Variants in BCKDHB observed in about 807,000 individuals in gnomAD.
BCKDHB encodes the protein 2-oxoisovalerate dehydrogenase subunit beta, mitochondrial.
In BCKDHB, 41 loss-of-function variants were observed where a neutral mutation model predicts 48.5. The observed-to-expected ratio is 0.85, with a 90% CI of 0.66 to 1.10. The LOEUF is 1.10. Ranked by LOEUF, BCKDHB falls within the 50% of genes least tolerant of loss-of-function variation. The pLI, the probability that BCKDHB is intolerant of heterozygous loss-of-function variation, is 0.00. For missense variants in BCKDHB, 496 were observed against 494.2 expected (o/e 1.00, Z -0.03); for synonymous variants, 201 against 174.8 (o/e 1.15, Z -1.18).
intron 8 of BCKDHB, among the ~76,000 whole-genome samples, chr6:80,254,502 C>T (rs79799116): frequency 0.016 from 2,374 of 151,950 alleles, 27 homozygotes; most frequent in Non-Finnish European, 0.023. Context: ...TCAAGACCAG[C>T]CCAGGCAACA....
At chr6:80,448,958 A>G in the BCKDHB span, among the ~76,000 whole-genome samples, 3 of 152,224 alleles carry the variant, frequency 2.0e-5, no homozygotes, top group African/African-American at 2.4e-5. Context: ...ACTAGGAAAC[A>G]AAATGTGAGA....
intron 8 of BCKDHB, among the ~76,000 whole-genome samples, chr6:80,218,670 C>T (rs1055626876): frequency 3.3e-5 from 5 of 152,010 alleles, no homozygotes; most frequent in Non-Finnish European, 7.4e-5. Context: ...ACTCCATTAA[C>T]TTTGCTTAGA....
chr6:80,395,529 G>C, the BCKDHB span, among the ~76,000 whole-genome samples: 1 of 152,142 alleles, frequency 6.6e-6, no homozygotes. Context: ...TAGGGTGTCT[G>C]GTGGAATAAA....
intron 8 of BCKDHB, among the ~76,000 whole-genome samples, chr6:80,229,956 A>G (rs559194035): frequency 2.0e-5 from 3 of 148,954 alleles, no homozygotes; most frequent in South Asian, 4.3e-4. Context: ...GTTCTTAGGT[A>G]TTCTTAAACA....
intron 8 of BCKDHB, among the ~76,000 whole-genome samples, chr6:80,258,993 C>T (rs1221173876): frequency 6.6e-6 from 1 of 152,130 alleles, no homozygotes; most frequent in Non-Finnish European, 1.5e-5. Context: ...GAGGCCATTG[C>T]TGTAAGATGT....
At chr6:80,348,854 T>C (rs1280457664), downstream of BCKDHB, among the ~76,000 whole-genome samples, 1 of 152,162 alleles carries the variant, frequency 6.6e-6, no homozygotes, top group African/African-American at 2.4e-5. Flanking sequence ...CAATAGAAAA[T>C]ATTCATATAT....
At chr6:80,440,037 TACAGTAATG>T in the BCKDHB span, among the ~76,000 whole-genome samples, 229 of 152,256 alleles carry the variant, frequency 1.5e-3, 1 homozygote, top group South Asian at 0.012. Flanking sequence ...ACTTTGGAAA[TACAGTAATG>T]ACAGAAATAT....
At chr6:80,448,749 G>T in the BCKDHB span, among the ~76,000 whole-genome samples, 2 of 152,024 alleles carry the variant, frequency 1.3e-5, no homozygotes, top group Non-Finnish European at 2.9e-5. Flanking sequence ...ACATCTGTCT[G>T]TGCTGAAGTA....
At chr6:80,382,453 A>G in the BCKDHB span, among the ~76,000 whole-genome samples, 1 of 152,186 alleles carries the variant, frequency 6.6e-6, no homozygotes, top group Non-Finnish European at 1.5e-5. Context: ...TAATTTATGC[A>G]TAAATTTTAC....
At chr6:80,465,069 A>G in the BCKDHB span, among the ~76,000 whole-genome samples, 2 of 152,194 alleles carry the variant, frequency 1.3e-5, no homozygotes, top group Non-Finnish European at 2.9e-5. Context: ...AGAGAGTGTT[A>G]ACTACCTTGC....
the BCKDHB span, among the ~76,000 whole-genome samples, chr6:80,429,177 G>A: frequency 6.6e-6 from 1 of 152,278 alleles, no homozygotes; most frequent in South Asian, 2.1e-4. Context: ...AGATCAGATG[G>A]TTGTAGATGT....
intron 8 of BCKDHB, among the ~76,000 whole-genome samples, chr6:80,236,712 T>C (rs1776161894): frequency 1.3e-5 from 2 of 152,202 alleles, no homozygotes; most frequent in Non-Finnish European, 2.9e-5. Flanking sequence ...GGCAGTCCAA[T>C]TCCAGAGTCT....
chr6:80,202,277 C>T (rs184345224), intron 7 of BCKDHB, among the ~76,000 whole-genome samples: 23 of 152,240 alleles, frequency 1.5e-4, no homozygotes, highest in African/African-American at 5.3e-4. Context: ...TTACCTTCTC[C>T]AGGACTGTAG....
intron 5 of BCKDHB, chr6:80,169,993 T>C: frequency 8.3e-7 from 1 of 1,209,816 alleles, no homozygotes; most frequent in Non-Finnish European, 1.1e-6. Context: ...CTTTTCTGTC[T>C]GTCCCCTGCC....
At chr6:80,387,820 A>G in the BCKDHB span, among the ~76,000 whole-genome samples, 71 of 152,380 alleles carry the variant, frequency 4.7e-4, no homozygotes, top group Admixed American at 1.8e-3. Context: ...CACTTCTGCA[A>G]GATATCACAC....
intron 9 of BCKDHB, among the ~76,000 whole-genome samples, chr6:80,317,123 C>G (rs1451392037): frequency 1.3e-5 from 2 of 152,188 alleles, no homozygotes; most frequent in Non-Finnish European, 2.9e-5. Context: ...CTGATACACA[C>G]TTAGGGCCTG....
the BCKDHB span, among the ~76,000 whole-genome samples, chr6:80,357,775 T>C: frequency 1.3e-4 from 20 of 152,144 alleles, no homozygotes; most frequent in African/African-American, 4.8e-4. Flanking sequence ...GCTCTGAAAG[T>C]CTTCAGTTTT....
rs185629388 is a variant in BCKDHB, at chr6:80,140,032, G to A, written c.343+10803G>A. On this transcript the variant is annotated intron_variant, in intron 3 of 9. Transcript: ENST00000320393. The stretch of plus-strand genomic sequence containing the variant: ...AGAGGTCCTTCACTTCCCTTGTAAG[G>A]TGGATTCCTAAGTATTTTATTCTCT... Among the ~76,000 whole-genome samples the A allele has an allele frequency of 3.5e-4, 54 of 152,162 alleles. 1 individual carries two copies. The highest frequency in any genetic ancestry group is 3.2e-3 in the Admixed American group (49 of 15,276).
At chr6:80,370,883 CATTG>C in the BCKDHB span, among the ~76,000 whole-genome samples, 3 of 151,558 alleles carry the variant, frequency 2.0e-5, no homozygotes, top group Non-Finnish European at 2.9e-5. Flanking sequence ...TTTATCCACT[CATTG>C]ATTGATGGGG....
Sources: gnomAD v4.1 joint callset for allele counts (sites outside exome capture counted in the v4.1 genomes callset) on GRCh38, gnomAD v4.1.1 for gene constraint, MANE v1.5 for transcripts, NCBI Gene and HGNC (gene_info 2026-07-23, HGNC 2026-07-21) for gene names.